The following TRIM37 variants were observed in gnomAD, a reference collection of about 807,000 sequenced individuals.
The protein encoded by TRIM37 is tripartite motif containing 37, also known as E3 ubiquitin-protein ligase TRIM37.
TRIM37 carries 80 observed loss-of-function variants against 129.8 expected under a neutral mutation model. The observed-to-expected ratio is 0.62, with a 90% CI of 0.51 to 0.74. The LOEUF is 0.74. Ranked by LOEUF, TRIM37 falls within the 30% of genes least tolerant of loss-of-function variation. TRIM37 has a pLI of 0.00. For missense variants in TRIM37, 1,054 were observed against 1,176.5 expected (o/e 0.90, Z 1.52); for synonymous variants, 389 against 387.1 (o/e 1.00, Z -0.06).
chr17:59,087,624 T>C (rs976742843), intron 4 of TRIM37, among the ~76,000 whole-genome samples: 1 of 152,032 alleles, frequency 6.6e-6, no homozygotes, highest in African/African-American at 2.4e-5. Flanking sequence ...ATTTCCTCAG[T>C]ATAATGAAGA....
intron 2 of TRIM37, among the ~76,000 whole-genome samples, chr17:59,103,760 T>G (rs1042776502): frequency 6.6e-6 from 1 of 151,054 alleles, no homozygotes; most frequent in African/African-American, 2.4e-5. Flanking sequence ...ACAATTCTCC[T>G]GCCTCAGCCT....
intron 17 of TRIM37, among the ~76,000 whole-genome samples, chr17:59,035,937 T>C (rs1313587333): frequency 1.3e-5 from 2 of 152,082 alleles, no homozygotes; most frequent in Non-Finnish European, 2.9e-5. Context: ...ACTGCCTGTA[T>C]GCATTATCAT....
chr17:58,978,302 T>A (rs1309918740), downstream of TRIM37, among the ~76,000 whole-genome samples: 1 of 152,174 alleles, frequency 6.6e-6, no homozygotes, highest in Admixed American at 6.5e-5. Context: ...TTTGTAAATA[T>A]CTGGAGTTTA....
intron 24 of TRIM37, among the ~76,000 whole-genome samples, chr17:58,986,164 C>T (rs1289139146): frequency 6.6e-6 from 1 of 152,036 alleles, no homozygotes; most frequent in Non-Finnish European, 1.5e-5. Context: ...AGCATTCCCC[C>T]CCACACCCGC....
chr17:59,090,714 C>T (rs1160657239), intron 3 of TRIM37, among the ~76,000 whole-genome samples: 1 of 152,080 alleles, frequency 6.6e-6, no homozygotes, highest in African/African-American at 2.4e-5. Flanking sequence ...CAACCTCCAC[C>T]TCCTAGGTTC....
intron 2 of TRIM37, among the ~76,000 whole-genome samples, chr17:59,100,424 A>C (rs530263788): frequency 6.6e-6 from 1 of 152,354 alleles, no homozygotes; most frequent in East Asian, 1.9e-4. Context: ...ATAAAAAGGA[A>C]TACTACTGAT....
At chr17:58,987,759 A>G (rs546039979) in intron 24 of TRIM37, among the ~76,000 whole-genome samples, 39 of 152,310 alleles carry the variant, frequency 2.6e-4, no homozygotes, top group African/African-American at 8.9e-4. Context: ...TAATCTTATC[A>G]CCTTTATAAT....
rs1056969603 is a variant in TRIM37 at position 59,055,640 on chromosome 17, G to A, written c.1199+1235C>T. On this transcript the variant is annotated intron_variant, in intron 13 of 23. Coordinates refer to ENST00000262294, the MANE Select transcript of TRIM37 (RefSeq NM_015294.6). ...GTGAACCCGGGAGGCAGAGCTTGCA[G>A]TGAGCCGATATGTCGCCTCTGGGCG... 3.6e-4 allele frequency among the ~76,000 whole-genome samples: 53 copies of A among 145,908 alleles called. 1 individual carries two copies. The highest frequency in any genetic ancestry group is 4.4e-4 in the South Asian group (2 of 4,528).
At chr17:59,081,535 T>C (rs1289546703) in intron 5 of TRIM37, among the ~76,000 whole-genome samples, 2 of 152,198 alleles carry the variant, frequency 1.3e-5, no homozygotes, top group African/African-American at 4.8e-5. Context: ...GTCACTCTTC[T>C]CTAAGGCAAA....
chr17:58,977,451 A>G, the TRIM37 span, among the ~76,000 whole-genome samples: 1 of 152,008 alleles, frequency 6.6e-6, no homozygotes, highest in East Asian at 1.9e-4. Context: ...AAAAAAAAAA[A>G]AAAAAGAAAT....
chr17:59,082,936 A>C (rs1461930021), intron 5 of TRIM37, among the ~76,000 whole-genome samples: 1 of 152,210 alleles, frequency 6.6e-6, no homozygotes, highest in Admixed American at 6.5e-5. Context: ...AAAGCTCTGA[A>C]TTGAGCTCTA....
In TRIM37 at chr17:59,049,332, T is replaced by C. The variant is rs754216706; in HGVS notation, c.1376A>G (p.His459Arg). 4 of 1,614,166 alleles carry C rather than the reference T, an allele frequency of 2.5e-6. No homozygotes were observed. Among genetic ancestry groups the C allele is most frequent in the African/African-American group, 1.3e-5 (1 of 75,040 alleles). The change falls in exon 15 of 24, where the codon CAT (histidine) becomes CGT (arginine). Residue 459 changes from histidine (H) to arginine (R), a missense_variant. Around this residue, in one of 3 missense-constraint regions of TRIM37, gnomAD observed 752 missense variants for 870.8 expected, o/e 0.86. Transcript: ENST00000262294. ...KSRDLSPPDNHLSPQNDDALE... is the reference protein window; with the variant it reads ...KSRDLSPPDNRLSPQNDDALE... The stretch of plus-strand genomic sequence containing the variant: ...AGCATCATCATTTTGGGGGCTAAGA[T>C]GGTTATCTGGTGGTGACAAATCTCT...
At position 59,012,255 on chromosome 17, in the gene TRIM37, C is replaced by A. The variant is rs947205000; in HGVS notation, c.2695+73G>T. 4.0e-6 allele frequency: 4 copies of A among 1,010,880 alleles called. No individual in the cohort carries two copies. In the African/African-American group the frequency reaches 4.9e-5, roughly 12 times the overall value. 62.6% of individuals were successfully genotyped at this position (1,010,880 alleles called of 1,614,324 possible). On this transcript the variant is annotated intron_variant, in intron 22 of 23. Transcript: ENST00000262294. ...CCACCACCACCACCACCACCACCAC[C>A]ACCCACCACCCACCACCAAAAAAGG...
intron 9 of TRIM37, among the ~76,000 whole-genome samples, chr17:59,069,685 T>C (rs992911131): frequency 1.3e-5 from 2 of 152,196 alleles, no homozygotes; most frequent in African/African-American, 4.8e-5. Flanking sequence ...ACAGGCTGAA[T>C]TGTGTCTCCC....
chr17:59,075,326 G>A (rs1315820137), intron 8 of TRIM37, among the ~76,000 whole-genome samples: 1 of 152,018 alleles, frequency 6.6e-6, no homozygotes, highest in Non-Finnish European at 1.5e-5. Flanking sequence ...CAGCTTGGGA[G>A]GCTGAGGCGG....
intron 2 of TRIM37, among the ~76,000 whole-genome samples, chr17:59,102,728 C>T (rs577745597): frequency 3.3e-5 from 5 of 152,212 alleles, no homozygotes; most frequent in Admixed American, 6.5e-5. Context: ...TGACAAAGAA[C>T]AGGCTATAGA....
At chr17:59,038,858 C>T (rs2038836401) in intron 17 of TRIM37, among the ~76,000 whole-genome samples, 1 of 152,176 alleles carries the variant, frequency 6.6e-6, no homozygotes, top group South Asian at 2.1e-4. Context: ...TAAGCAAGCA[C>T]TGGCCTCAAG....
chr17:59,027,021 T>A (rs1164850437), intron 19 of TRIM37, among the ~76,000 whole-genome samples: 2 of 152,180 alleles, frequency 1.3e-5, no homozygotes, highest in Non-Finnish European at 2.9e-5. Flanking sequence ...ATTTTGCTTC[T>A]CCATTGAAAC....
Position 59,031,979 on chromosome 17 carries a change from A to G in TRIM37, c.1865T>C (p.Leu622Ser), listed in dbSNP as rs1242900782. Residue 622 changes from leucine (L) to serine (S), a missense_variant, in exon 18 of 24, where the codon TTG (leucine) becomes TCG (serine). Transcript: ENST00000262294. ...ACTGCTCCGGTCCTTAAGGTCCAAC[A>G]AATGTATTAAAATTAATGGATCAAT... ...LDIDPLILIHLLDLKDRSSIE... is the reference protein window; with the variant it reads ...LDIDPLILIHSLDLKDRSSIE... The G allele has an allele frequency of 6.2e-7, 1 of 1,614,112 alleles. No homozygotes were observed. The highest frequency in any genetic ancestry group is 8.5e-7 in the Non-Finnish European group (1 of 1,180,044).
Sources: gnomAD v4.1 joint callset for allele counts (sites outside exome capture counted in the v4.1 genomes callset) on GRCh38, gnomAD v4.1.1 for gene constraint, gnomAD v4.1.1 regional missense constraint, MANE v1.5 for transcripts, NCBI Gene and HGNC (gene_info 2026-07-23, HGNC 2026-07-21) for gene names.